UGGT1: variants seen among roughly 807,000 people sequenced by gnomAD.
The protein encoded by UGGT1 is UDP-glucose glycoprotein glucosyltransferase 1, also known as UDP-glucose:glycoprotein glucosyltransferase 1.
A neutral mutation model predicts 203.9 loss-of-function variants in UGGT1; 107 were observed. That is an observed-to-expected ratio of 0.52 (90% CI 0.45 to 0.62). The LOEUF is 0.62. UGGT1 is among the 20% of genes least tolerant of loss of function. UGGT1 has a pLI of 0.00. For missense variants in UGGT1, 1,673 were observed against 1,867.2 expected, an observed-to-expected ratio of 0.90 and a Z score of 1.92; for synonymous variants, 628 against 653.5, an observed-to-expected ratio of 0.96 and a Z score of 0.59.
chr2:128,183,159 C>T (rs905797210), intron 37 of UGGT1, among the ~76,000 whole-genome samples: 4 of 152,146 alleles, frequency 2.6e-5, no homozygotes, highest in African/African-American at 4.8e-5. Flanking sequence ...CTAATGAGCA[C>T]CCCATTCTCT....
At position 128,104,077 on chromosome 2, in the gene UGGT1, C is replaced by T. The variant is rs1687499289; in HGVS notation, c.277+63C>T. The T allele has an allele frequency of 5.3e-6, 7 of 1,323,906 alleles. No homozygotes were observed. In the South Asian group the frequency reaches 1.0e-4, roughly 19 times the overall value. The allele number at this position is 1,323,906 out of a possible 1,614,324, so 82.0% of individuals were successfully genotyped here. On this transcript the variant is annotated intron_variant, in intron 3 of 40. Coordinates refer to ENST00000259253, the MANE Select transcript of UGGT1 (RefSeq NM_020120.4). Reference sequence around the variant, plus strand: ...TGGGAAAATATTAGGAAAAAATTGTCTCTTTATAGTATGTGTGGCATGGCA... The same window carrying T: ...TGGGAAAATATTAGGAAAAAATTGTTTCTTTATAGTATGTGTGGCATGGCA...
intron 3 of UGGT1, 85 bp from the exon 4 acceptor site, chr2:128,107,853 A>C (rs1005093972): frequency 1.9e-6 from 3 of 1,574,394 alleles, no homozygotes; most frequent in Non-Finnish European, 2.6e-6. Context: ...TACCTTTGTA[A>C]ACACAGCTTT....
chr2:128,182,057 C>T lies in UGGT1; in HGVS notation c.4084-73C>T, dbSNP rs993203191. ...CTTCCATGCTGCCTTAAGCGAGCCA[C>T]TCTGTATCTGAAGGAAACCGCATTA... On this transcript the variant is annotated intron_variant, in intron 36 of 40. Transcript: ENST00000259253. The T allele has an allele frequency of 3.3e-6, 5 of 1,503,806 alleles. No homozygotes were observed. In the African/African-American group the frequency reaches 6.9e-5, roughly 21 times the overall value. The allele number at this position is 1,503,806 out of a possible 1,614,324, so 93.2% of individuals were successfully genotyped here.
At chr2:128,165,424 G>A (rs1210432637) in intron 26 of UGGT1, among the ~76,000 whole-genome samples, 4 of 152,152 alleles carry the variant, frequency 2.6e-5, no homozygotes, top group Non-Finnish European at 4.4e-5. Context: ...TTGGCTGGGC[G>A]TGGTGGCTCA....
intron 11 of UGGT1, among the ~76,000 whole-genome samples, chr2:128,126,003 C>T (rs1271452327): frequency 1.3e-5 from 2 of 148,228 alleles, no homozygotes; most frequent in African/African-American, 5.0e-5. Context: ...AGTGCAGTGG[C>T]ATGATCTCAG....
Position 128,182,053 on chromosome 2 carries a change from G to A in UGGT1, c.4084-77G>A, listed in dbSNP as rs866414158. 6 of 1,466,094 alleles carry A rather than the reference G, an allele frequency of 4.1e-6. No individual in the cohort carries two copies. In the Middle Eastern group the frequency reaches 7.6e-4, roughly 187 times the overall value. 90.8% of individuals were successfully genotyped at this position (1,466,094 alleles called of 1,614,324 possible). A position where few individuals can be genotyped will look rare whatever the true frequency, so the allele number is the denominator to read the frequency against. On this transcript the variant is annotated intron_variant, in intron 36 of 40. Transcript: ENST00000259253. ...CAGCCTTCCATGCTGCCTTAAGCGA[G>A]CCACTCTGTATCTGAAGGAAACCGC...
chr2:128,148,921 C>T (rs7423842), intron 18 of UGGT1, among the ~76,000 whole-genome samples: 1 of 152,078 alleles, frequency 6.6e-6, no homozygotes, highest in African/African-American at 2.4e-5. Context: ...ATAAAGAGAA[C>T]CCCTGAGAAT....
chr2:128,133,094 T>C, intron 13 of UGGT1, 47 bp from the exon 14 acceptor site: 2 of 1,596,698 alleles, frequency 1.3e-6, no homozygotes, highest in African/African-American at 2.7e-5. Context: ...CAGGTTTTAC[T>C]AACTGGTTCC....
intron 28 of UGGT1, 47 bp downstream of exon 28, chr2:128,171,331 C>CATTT (rs1299195528): frequency 2.0e-6 from 3 of 1,530,270 alleles, no homozygotes; most frequent in Non-Finnish European, 2.7e-6. Flanking sequence ...TGTACTGAAT[C>CATTT]CAAGTTCTGA....
At chr2:128,182,467 G>A (rs1345461988) in intron 37 of UGGT1, among the ~76,000 whole-genome samples, 177 bp downstream of exon 37, 2 of 152,182 alleles carry the variant, frequency 1.3e-5, no homozygotes, top group East Asian at 3.8e-4. Flanking sequence ...GGGATGCCAA[G>A]GCAGGTGGAT....
rs1692272580 is a variant in UGGT1 at position 128,191,647 on chromosome 2, A to T, written c.*1905A>T. On this transcript the variant is annotated 3_prime_UTR_variant, in exon 41 of 41. Coordinates refer to ENST00000259253, the MANE Select transcript of UGGT1 (RefSeq NM_020120.4). ...GCTGAGGCGGACGGATCATGAGGTC[A>T]GGAGTTCAAGACCAGCCTGGCCAAT... The T allele has an allele frequency of 6.6e-6, 1 of 152,240 alleles. No individual in the cohort carries two copies. The highest frequency in any genetic ancestry group is 6.5e-5 in the Admixed American group (1 of 15,274). 9.4% of individuals were successfully genotyped at this position (152,240 alleles called of 1,614,324 possible).
intron 10 of UGGT1, 79 bp downstream of exon 10, chr2:128,121,377 A>G (rs902199005): frequency 1.0e-6 from 1 of 980,698 alleles, no homozygotes; most frequent in Non-Finnish European, 1.5e-6. Flanking sequence ...GGTAATAACA[A>G]TATGAAAATT....
At chr2:128,177,048 T>C in intron 32 of UGGT1, 150 bp downstream of exon 32, 1 of 669,022 alleles carries the variant, frequency 1.5e-6, no homozygotes, top group Non-Finnish European at 2.5e-6. Flanking sequence ...TAACTGTGAG[T>C]TTGTGGCTTC....
At chr2:128,172,850 G>T (rs1691181588) in intron 29 of UGGT1, 88 bp downstream of exon 29, 1 of 1,235,278 alleles carries the variant, frequency 8.1e-7, no homozygotes, top group Non-Finnish European at 1.1e-6. Context: ...TGAGACATCA[G>T]TGTTCAGGTA....
At chr2:128,111,115 G>T (rs927363242) in intron 5 of UGGT1, among the ~76,000 whole-genome samples, 1 of 152,196 alleles carries the variant, frequency 6.6e-6, no homozygotes, top group Non-Finnish European at 1.5e-5. Context: ...CACTTTGGCA[G>T]GCTGAGGCAG....
intron 31 of UGGT1, among the ~76,000 whole-genome samples, chr2:128,175,770 T>C (rs947227529): frequency 6.6e-6 from 1 of 152,032 alleles, no homozygotes; most frequent in African/African-American, 2.4e-5. Context: ...AGGAGCATGG[T>C]GCCCCCTCTT....
In UGGT1 at chr2:128,098,294, C is replaced by T. The variant is rs559063411; in HGVS notation, c.194+730C>T. On this transcript the variant is annotated intron_variant, in intron 2 of 40. Coordinates refer to ENST00000259253, the MANE Select transcript of UGGT1 (RefSeq NM_020120.4). Reference sequence around the variant, plus strand: ...TAAGAACGTGGAAGAAGGCTGGGCACGGTGGCTCACGCCTATAATCCCAAC... The same window carrying T: ...TAAGAACGTGGAAGAAGGCTGGGCATGGTGGCTCACGCCTATAATCCCAAC... Among the ~76,000 whole-genome samples the T allele has an allele frequency of 2.9e-4, 44 of 152,220 alleles. No homozygotes were observed. In the South Asian group the frequency reaches 5.6e-3, roughly 19 times the overall value.
chr2:128,096,214 TAGATGGGAC>T (rs1687110761), intron 1 of UGGT1, among the ~76,000 whole-genome samples: 1 of 152,194 alleles, frequency 6.6e-6, no homozygotes, highest in Non-Finnish European at 1.5e-5. Flanking sequence ...CCTCATTTTG[TAGATGGGAC>T]AGTTGGCTTG....
At chr2:128,104,761 C>G (rs1687525596) in intron 3 of UGGT1, among the ~76,000 whole-genome samples, 1 of 152,180 alleles carries the variant, frequency 6.6e-6, no homozygotes, top group Admixed American at 6.5e-5. Flanking sequence ...TTTCTCCTGA[C>G]TCAGCCTTGC....
Sources: allele counts gnomAD v4.1 joint callset (sites outside exome capture counted in the v4.1 genomes callset), GRCh38; gene constraint gnomAD v4.1.1; transcripts MANE v1.5; gene names NCBI Gene and HGNC (gene_info 2026-07-23, HGNC 2026-07-21).